Variants in SYN3 observed in about 807,000 individuals in gnomAD.
SYN3 encodes synapsin-3.
In SYN3, 35 loss-of-function variants were observed where a neutral mutation model predicts 65.8. That is an observed-to-expected ratio of 0.53 (90% CI 0.41 to 0.70). The LOEUF is 0.70. SYN3 is among the 30% of genes least tolerant of loss of function. SYN3 has a pLI of 0.00. For synonymous variants in SYN3, 270 were observed against 292.9 expected (o/e 0.92, Z 0.80); for missense variants, 680 against 749.0 (o/e 0.91, Z 1.08).
At chr22:32,715,287 T>G (rs890118446) in intron 6 of SYN3, among the ~76,000 whole-genome samples, 1 of 152,230 alleles carries the variant, frequency 6.6e-6, no homozygotes, top group Non-Finnish European at 1.5e-5. Flanking sequence ...CATTTTCTAG[T>G]CTCTGGTATG....
At chr22:32,559,889 T>C (rs1257981992) in intron 7 of SYN3, among the ~76,000 whole-genome samples, 1 of 152,002 alleles carries the variant, frequency 6.6e-6, no homozygotes. Context: ...AGCAGCTTCC[T>C]GATTAGATCT....
At chr22:33,055,375 C>T (rs906181068) in intron 1 of SYN3, among the ~76,000 whole-genome samples, 2 of 152,332 alleles carry the variant, frequency 1.3e-5, no homozygotes, top group Non-Finnish European at 2.9e-5. Context: ...CTCCACCTCG[C>T]GGTCTTTGAA....
At chr22:33,050,541 C>A (rs1296685169) in intron 1 of SYN3, among the ~76,000 whole-genome samples, 2 of 150,180 alleles carry the variant, frequency 1.3e-5, no homozygotes, top group African/African-American at 4.9e-5. Flanking sequence ...ATCCAAAGAA[C>A]TGTAAGATCC....
chr22:32,664,272 T>C (rs2060258233), intron 6 of SYN3, among the ~76,000 whole-genome samples: 1 of 152,170 alleles, frequency 6.6e-6, no homozygotes, highest in African/African-American at 2.4e-5. Context: ...CCCTTTGCAA[T>C]TGAAACCATC....
At chr22:32,573,202 G>GT (rs764519285) in intron 7 of SYN3, among the ~76,000 whole-genome samples, 2 of 152,124 alleles carry the variant, frequency 1.3e-5, no homozygotes, top group Non-Finnish European at 2.9e-5. Flanking sequence ...AGTATTCCAG[G>GT]TAAGGATATG....
At chr22:32,848,332 A>G (rs976707753) in intron 6 of SYN3, among the ~76,000 whole-genome samples, 2 of 152,180 alleles carry the variant, frequency 1.3e-5, no homozygotes, top group East Asian at 1.9e-4. Context: ...TCTTTCGTTC[A>G]ATCCTGATTC....
intron 4 of SYN3, among the ~76,000 whole-genome samples, chr22:32,900,882 A>C (rs967288253): frequency 1.3e-5 from 2 of 152,208 alleles, no homozygotes; most frequent in Non-Finnish European, 2.9e-5. Flanking sequence ...TTATTTGATC[A>C]ATATCTGCCC....
intron 6 of SYN3, among the ~76,000 whole-genome samples, chr22:32,816,780 G>A (rs2047096975): frequency 1.3e-5 from 2 of 152,142 alleles, no homozygotes; most frequent in African/African-American, 4.8e-5. Context: ...GAAGAATTAA[G>A]GTCGCTTCCC....
chr22:32,570,368 G>T (rs952711617), intron 7 of SYN3, among the ~76,000 whole-genome samples: 2 of 152,218 alleles, frequency 1.3e-5, no homozygotes, highest in Non-Finnish European at 2.9e-5. Flanking sequence ...AAGCAGTAAA[G>T]ATTTTTTTAT....
intron 4 of SYN3, among the ~76,000 whole-genome samples, chr22:32,912,275 A>G (rs1352922031): frequency 2.6e-5 from 4 of 152,152 alleles, no homozygotes; most frequent in East Asian, 1.9e-4. Context: ...AAGGATGAGC[A>G]GAAGGTTTTT....
In SYN3 at chr22:32,872,935, AC is replaced by A. The variant is rs1408040642; in HGVS notation, c.462-3811del. Among the ~76,000 whole-genome samples the A allele has an allele frequency of 3.6e-3, 402 of 110,570 alleles. 2 individuals carry two copies. Among genetic ancestry groups the A allele is most frequent in the African/African-American group, 0.014 (388 of 28,538 alleles). The allele number at this position is 110,570 out of a possible 152,430, so 72.5% of individuals were successfully genotyped here. A position where few individuals can be genotyped will look rare whatever the true frequency, so the allele number is the denominator to read the frequency against. On this transcript the variant is annotated intron_variant, in intron 4 of 13. Transcript: ENST00000358763. The stretch of plus-strand genomic sequence containing the variant: ...GAGTTGGGTGCAACGTGCCCTAAGC[AC>A]TTTTTTTTTTTTTTTTTTTTTGAGA...
At chr22:32,930,566 T>C (rs1038958677) in intron 4 of SYN3, among the ~76,000 whole-genome samples, 2 of 151,448 alleles carry the variant, frequency 1.3e-5, no homozygotes, top group East Asian at 2.0e-4. Context: ...TCTTAGGATA[T>C]ACTTCTCTTT....
chr22:33,013,348 G>C (rs1055491844), intron 1 of SYN3, among the ~76,000 whole-genome samples: 1 of 152,206 alleles, frequency 6.6e-6, no homozygotes, highest in African/African-American at 2.4e-5. Context: ...TACACAGAGT[G>C]TGGTCATCGA....
intron 6 of SYN3, among the ~76,000 whole-genome samples, chr22:32,736,840 C>T (rs538649194): frequency 8.5e-5 from 13 of 152,248 alleles, no homozygotes; most frequent in Admixed American, 3.3e-4. Context: ...TCCTTTAAAA[C>T]GGGCCTAAAG....
intron 4 of SYN3, among the ~76,000 whole-genome samples, chr22:32,897,940 C>T: frequency 6.6e-6 from 1 of 151,972 alleles, no homozygotes; most frequent in Non-Finnish European, 1.5e-5. Context: ...CCACCTCAGC[C>T]TCCCAAGTAG....
At chr22:33,002,513 G>A (rs1452750118) in intron 2 of SYN3, among the ~76,000 whole-genome samples, 3 of 152,002 alleles carry the variant, frequency 2.0e-5, no homozygotes, top group African/African-American at 2.4e-5. Context: ...GCGTGGTGGC[G>A]CCTGCCTGTA....
Position 32,513,628 on chromosome 22 carries a change from G to A in SYN3, c.*64C>T. On this transcript the variant is annotated 3_prime_UTR_variant, in exon 14 of 14. Transcript: ENST00000358763. Reference sequence around the variant, plus strand: ...TCCCATCAGGAACCAAGGCTGAGAAGGAAGATGAGGCAGGAGGGGGACGAG... The same window carrying A: ...TCCCATCAGGAACCAAGGCTGAGAAAGAAGATGAGGCAGGAGGGGGACGAG... The A allele has an allele frequency of 6.3e-7, 1 of 1,586,090 alleles. No homozygotes were observed. Among genetic ancestry groups the A allele is most frequent in the Non-Finnish European group, 8.6e-7 (1 of 1,162,564 alleles).
chr22:32,835,570 G>C (rs978002303), intron 6 of SYN3, among the ~76,000 whole-genome samples: 5 of 152,112 alleles, frequency 3.3e-5, no homozygotes, highest in Admixed American at 6.5e-5. Flanking sequence ...GCAGAAGAGG[G>C]TCTCATGCAG....
chr22:32,980,678 C>T lies in SYN3; in HGVS notation c.336G>A (p.Lys112=). ...CTCGGATCTCAATCTCTCCATTCAC[C>T]TTCTTCCCATGGAAATACTTCGACC... ...TDWSKYFHGK[K]VNGEIEIRVE... is the part of the protein sequence containing the mutation. Residue 112 remains lysine (K), a synonymous_variant, in exon 3 of 14, where the codon AAG becomes AAA. Transcript: ENST00000358763. 1 of 1,614,018 alleles carries T rather than the reference C, an allele frequency of 6.2e-7. No individual in the cohort carries two copies.
Sources: gnomAD v4.1 joint callset for allele counts (sites outside exome capture counted in the v4.1 genomes callset) on GRCh38, gnomAD v4.1.1 for gene constraint, MANE v1.5 for transcripts, NCBI Gene and HGNC (gene_info 2026-07-23, HGNC 2026-07-21) for gene names.